IDH3A: variants seen among roughly 807,000 people sequenced by gnomAD.
IDH3A encodes isocitrate dehydrogenase (NAD(+)) 3 catalytic subunit alpha, also known as isocitrate dehydrogenase [NAD] subunit alpha, mitochondrial.
In IDH3A, 23 loss-of-function variants were observed where a neutral mutation model predicts 43.3. The observed-to-expected ratio is 0.53, with a 90% CI of 0.38 to 0.75. The LOEUF (loss-of-function observed/expected upper bound fraction) is 0.75, where lower values mean the gene tolerates loss of function less well. IDH3A is among the 30% of genes least tolerant of loss of function. The probability of loss-of-function intolerance (pLI) is 0.00; values close to 1 mark genes in which losing one functional copy is unlikely to be tolerated. For missense variants in IDH3A, 329 were observed against 474.4 expected (o/e 0.69, Z 2.85); for synonymous variants, 154 against 163.5 (o/e 0.94, Z 0.44).
chr15:78,166,780 T>C (rs746723179), intron 10 of IDH3A, among the ~76,000 whole-genome samples: 11 of 152,186 alleles, frequency 7.2e-5, no homozygotes, highest in Admixed American at 2.0e-4. Context: ...TACAGGCGTG[T>C]GCCACCACAC....
chr15:78,171,455 G>A lies in IDH3A; in HGVS notation c.*2450G>A. The A allele has an allele frequency of 6.2e-7, 1 of 1,613,432 alleles. No individual in the cohort carries two copies. The highest frequency in any genetic ancestry group is 8.5e-7 in the Non-Finnish European group (1 of 1,179,672). ...GGCATAGGCCCTGATTACATTTTTTGCTCTTGGTAAAAGGAGTCAATGATA... is the reference window on the plus strand; with the variant it reads ...GGCATAGGCCCTGATTACATTTTTTACTCTTGGTAAAAGGAGTCAATGATA... On this transcript the variant is annotated 3_prime_UTR_variant, in exon 11 of 11. Coordinates refer to ENST00000299518, the MANE Select transcript of IDH3A (RefSeq NM_005530.3).
At chr15:78,158,463 A>ATATATATATATATATATATATAT (rs1212083496) in intron 3 of IDH3A, among the ~76,000 whole-genome samples, 2 of 67,378 alleles carry the variant, frequency 3.0e-5, no homozygotes, top group Non-Finnish European at 5.9e-5. Context: ...ATATATATAT[A>ATATATATATATATATATATATAT]TTTTTTTTTT....
At chr15:78,159,882 C>A in intron 3 of IDH3A, 1 of 470,310 alleles carries the variant, frequency 2.1e-6, no homozygotes, top group Non-Finnish European at 3.9e-6. Context: ...GTAATCCCAG[C>A]TACTCAGGAG....
intron 1 of IDH3A, among the ~76,000 whole-genome samples, chr15:78,150,331 G>C (rs986603440): frequency 1.3e-5 from 2 of 152,180 alleles, no homozygotes; most frequent in African/African-American, 4.8e-5. Flanking sequence ...ATTTCCCAAG[G>C]TCACATAGCA....
rs2074826191 is a variant in IDH3A at position 78,171,790 on chromosome 15, A to G, written c.*2785A>G. On this transcript the variant is annotated 3_prime_UTR_variant, in exon 11 of 11. Transcript: ENST00000299518. The stretch of plus-strand genomic sequence containing the variant: ...ATGTCACCTCTGAGAATAGGTTATA[A>G]AAGATCAGTTTCTTTTATACACATA... The G allele has an allele frequency of 6.1e-6, 2 of 327,018 alleles. No homozygotes were observed. The highest frequency in any genetic ancestry group is 4.4e-5 in the Admixed American group (1 of 22,660). 20.3% of individuals were successfully genotyped at this position (327,018 alleles called of 1,614,324 possible). A position where few individuals can be genotyped will look rare whatever the true frequency, so the allele number is the denominator to read the frequency against.
At position 78,155,050 on chromosome 15, in the gene IDH3A, A is replaced by G. The variant is rs1246024622; in HGVS notation, c.28-163A>G. Among the ~76,000 whole-genome samples, 3 of 152,240 alleles carry G rather than the reference A, an allele frequency of 2.0e-5. No homozygotes were observed. In the East Asian group the frequency reaches 5.8e-4, roughly 29 times the overall value. On this transcript the variant is annotated intron_variant, in intron 1 of 10. Transcript: ENST00000299518. Reference sequence around the variant, plus strand: ...GTATTTAGGCTTTCAAATCTGAGATAGCTTGCCACATTGAGCTAATACATG... The same window carrying G: ...GTATTTAGGCTTTCAAATCTGAGATGGCTTGCCACATTGAGCTAATACATG...
chr15:78,156,928 G>C, intron 2 of IDH3A: 1 of 1,351,880 alleles, frequency 7.4e-7, no homozygotes, highest in Non-Finnish European at 9.8e-7. Flanking sequence ...CCAAGCTTAT[G>C]TAGATTACTC....
intron 2 of IDH3A, among the ~76,000 whole-genome samples, chr15:78,156,671 A>C (rs1317727884): frequency 6.6e-6 from 1 of 152,242 alleles, no homozygotes; most frequent in Non-Finnish European, 1.5e-5. Flanking sequence ...AAAAAAAGCC[A>C]AGCCCCTAGG....
intron 1 of IDH3A, among the ~76,000 whole-genome samples, chr15:78,150,122 A>G (rs1360032701): frequency 6.6e-6 from 1 of 152,118 alleles, no homozygotes. Context: ...TTTACCTTTC[A>G]TTGGTGGGAA....
chr15:78,164,777 C>T (rs1014657072), intron 8 of IDH3A, among the ~76,000 whole-genome samples: 3 of 152,166 alleles, frequency 2.0e-5, no homozygotes, highest in Admixed American at 6.6e-5. Context: ...CCTTTAGACA[C>T]GGCCCTTTGT....
At position 78,161,722 on chromosome 15, in the gene IDH3A, C is replaced by T; in HGVS notation, c.431C>T (p.Thr144Ile). Residue 144 changes from threonine (T) to isoleucine (I), a missense_variant, in exon 5 of 11, where the codon ACC becomes ATC. This residue lies in a region of IDH3A where 212 missense variants were observed against 345.5 expected (regional missense o/e 0.61). Coordinates refer to ENST00000299518, the MANE Select transcript of IDH3A (RefSeq NM_005530.3). This position sits in a 1 kb window ranked among gnomAD's most constrained non-coding sequence, Gnocchi z 4.8. ...CCTTACACCGATGTAAATATTGTGACCATTCGAGAGAACACAGAAGGAGAA... is the reference window on the plus strand; with the variant it reads ...CCTTACACCGATGTAAATATTGTGATCATTCGAGAGAACACAGAAGGAGAA... ...KTPYTDVNIVTIRENTEGEYS... is the reference protein window; with the variant it reads ...KTPYTDVNIVIIRENTEGEYS... 6.2e-7 allele frequency: 1 copy of T among 1,614,112 alleles called. No homozygotes were observed. The highest frequency in any genetic ancestry group is 1.1e-5 in the South Asian group (1 of 91,080).
At chr15:78,152,689 G>A (rs1415398660) in intron 1 of IDH3A, among the ~76,000 whole-genome samples, 5 of 152,126 alleles carry the variant, frequency 3.3e-5, no homozygotes, top group Admixed American at 6.5e-5. Flanking sequence ...TGCTTGTCAC[G>A]AAGTAACCTT....
rs2074724172 is a variant in IDH3A at position 78,165,082 on chromosome 15, G to A, written c.864+6G>A. 1.3e-6 allele frequency: 2 copies of A among 1,596,766 alleles called. No homozygotes were observed. Among genetic ancestry groups the A allele is most frequent in the African/African-American group, 2.7e-5 (2 of 74,528 alleles). Reference sequence around the variant, plus strand: ...GGGTTGCAATTTTTGAGTCGGTAAGGACCCTGACACCTGAAACAGAACTCA... The same window carrying A: ...GGGTTGCAATTTTTGAGTCGGTAAGAACCCTGACACCTGAAACAGAACTCA... On this transcript the variant is annotated splice_donor_region_variant and intron_variant, in intron 9 of 10. Transcript: ENST00000299518.
In IDH3A at chr15:78,161,773, G is replaced by T; in HGVS notation, c.477+5G>T. 6.2e-7 allele frequency: 1 copy of T among 1,611,452 alleles called. No homozygotes were observed. Among genetic ancestry groups the T allele is most frequent in the Non-Finnish European group, 8.5e-7 (1 of 1,177,670 alleles). On this transcript the variant is annotated splice_donor_5th_base_variant and intron_variant, in intron 5 of 10. Coordinates refer to ENST00000299518, the MANE Select transcript of IDH3A (RefSeq NM_005530.3). The surrounding 1 kb of genome is among the most constrained non-coding windows in gnomAD (Gnocchi z 4.8). ...TACAGTGGAATTGAGCATGTGGTATGTTCACTCCAGATTCTTTTTTATTCC... is the reference window on the plus strand; with the variant it reads ...TACAGTGGAATTGAGCATGTGGTATTTTCACTCCAGATTCTTTTTTATTCC...
rs1428893151 is a variant in IDH3A at position 78,169,590 on chromosome 15, A to C, written c.*585A>C. 6.6e-6 allele frequency: 1 copy of C among 152,260 alleles called. No individual in the cohort carries two copies. Among genetic ancestry groups the C allele is most frequent in the Non-Finnish European group, 1.5e-5 (1 of 68,050 alleles). The allele number at this position is 152,260 out of a possible 1,614,324, so 9.4% of individuals were successfully genotyped here. A position where few individuals can be genotyped will look rare whatever the true frequency, so the allele number is the denominator to read the frequency against. On this transcript the variant is annotated 3_prime_UTR_variant, in exon 11 of 11. Transcript: ENST00000299518. Reference sequence around the variant, plus strand: ...TACAGAAATTACTGAGTGTGAATAAAAACTTCAGATCCAAGAAATATATAA... The same window carrying C: ...TACAGAAATTACTGAGTGTGAATAACAACTTCAGATCCAAGAAATATATAA...
intron 2 of IDH3A, among the ~76,000 whole-genome samples, chr15:78,156,187 C>T (rs1395030064): frequency 1.3e-5 from 2 of 152,078 alleles, no homozygotes; most frequent in Non-Finnish European, 2.9e-5. Context: ...GCATTTCAAA[C>T]GCATTCTGAA....
At chr15:78,152,608 C>A (rs1254757844) in intron 1 of IDH3A, among the ~76,000 whole-genome samples, 1 of 152,088 alleles carries the variant, frequency 6.6e-6, no homozygotes, top group East Asian at 1.9e-4. Flanking sequence ...GATTTGCCTG[C>A]CTCAGCCTCC....
chr15:78,157,685 G>T, intron 3 of IDH3A, 54 bp downstream of exon 3: 2 of 1,267,966 alleles, frequency 1.6e-6, no homozygotes, highest in Non-Finnish European at 2.3e-6. Flanking sequence ...AGTTTTCTTA[G>T]CCAGTTGGAT....
At position 78,155,292 on chromosome 15, in the gene IDH3A, CT is replaced by C; in HGVS notation, c.90+21del. 6.3e-7 allele frequency: 1 copy of C among 1,581,196 alleles called. No homozygotes were observed. Among genetic ancestry groups the C allele is most frequent in the Non-Finnish European group, 8.7e-7 (1 of 1,153,626 alleles). The stretch of plus-strand genomic sequence containing the variant: ...ACTGGTGGTGTGAGTATAATTATGT[CT>C]TTTATTTTTTCCTTTTAGAAGTTTC... On this transcript the variant is annotated intron_variant, in intron 2 of 10. Transcript: ENST00000299518.
Sources: allele counts gnomAD v4.1 joint callset (sites outside exome capture counted in the v4.1 genomes callset), GRCh38; gene constraint gnomAD v4.1.1; regional missense constraint gnomAD v4.1.1; non-coding constraint Gnocchi (gnomAD v3.1); transcripts MANE v1.5; gene names NCBI Gene and HGNC (gene_info 2026-07-23, HGNC 2026-07-21).